The following AGK variants were observed in gnomAD, a reference collection of about 807,000 sequenced individuals.
AGK encodes acylglycerol kinase, mitochondrial.
AGK carries 52 observed loss-of-function variants against 66.4 expected under a neutral mutation model. The observed-to-expected ratio is 0.78, with a 90% CI of 0.63 to 0.99. AGK has a LOEUF of 0.99. Among genes scored for constraint, AGK ranks in the 50% least tolerant of loss-of-function variants. The pLI, the probability that AGK is intolerant of heterozygous loss-of-function variation, is 0.00. For synonymous variants in AGK, 182 were observed against 181.1 expected (o/e 1.00, Z -0.04); for missense variants, 451 against 506.6 (o/e 0.89, Z 1.05).
intron 7 of AGK, among the ~76,000 whole-genome samples, chr7:141,614,690 A>G (rs1456321326): frequency 6.6e-6 from 1 of 152,180 alleles, no homozygotes; most frequent in East Asian, 1.9e-4. Flanking sequence ...ATGAAAAGGA[A>G]TCACACCAAC....
chr7:141,642,308 C>A (rs1797308498), intron 13 of AGK, among the ~76,000 whole-genome samples: 1 of 152,134 alleles, frequency 6.6e-6, no homozygotes, highest in Non-Finnish European at 1.5e-5. Context: ...GAGAAAAATA[C>A]CCACACACAT....
chr7:141,651,724 G>A, intron 15 of AGK, 115 bp downstream of exon 15: 6 of 974,100 alleles, frequency 6.2e-6, no homozygotes, highest in Non-Finnish European at 9.7e-6. Context: ...GGCACATATT[G>A]TGTGCCAAGC....
At chr7:141,637,778 G>A (rs1353068817) in intron 11 of AGK, among the ~76,000 whole-genome samples, 2 of 152,110 alleles carry the variant, frequency 1.3e-5, no homozygotes, top group East Asian at 3.8e-4. Context: ...AATTATAAAA[G>A]TAATACATGT....
At chr7:141,609,971 G>GTT (rs532318470) in intron 5 of AGK, among the ~76,000 whole-genome samples, 12 of 143,798 alleles carry the variant, frequency 8.3e-5, no homozygotes, top group African/African-American at 2.5e-4. Flanking sequence ...GTTTTTTTTT[G>GTT]TTTTTTTTTT....
intron 2 of AGK, among the ~76,000 whole-genome samples, chr7:141,584,976 C>G (rs1795966364): frequency 6.6e-6 from 1 of 152,108 alleles, no homozygotes; most frequent in South Asian, 2.1e-4. Flanking sequence ...TAAGAAGATA[C>G]AAATTTCTTT....
chr7:141,571,227 C>T (rs1380645319), intron 2 of AGK, among the ~76,000 whole-genome samples: 1 of 152,202 alleles, frequency 6.6e-6, no homozygotes, highest in Admixed American at 6.5e-5. Context: ...GTTCTAGCCC[C>T]AGCCATGAGT....
intron 3 of AGK, chr7:141,593,504 T>A: frequency 1.5e-6 from 1 of 646,668 alleles, no homozygotes; most frequent in East Asian, 2.7e-5. Context: ...GTCTAACCCC[T>A]GAATCATCCC....
At chr7:141,591,930 A>G (rs751589064) in intron 2 of AGK, among the ~76,000 whole-genome samples, 41 of 152,198 alleles carry the variant, frequency 2.7e-4, no homozygotes, top group Non-Finnish European at 4.7e-4. Context: ...TCACATTCTG[A>G]CAGAATGCTT....
rs1489537451 is a variant in AGK, at chr7:141,653,709, G to T, written c.*785G>T. 10 of 152,258 alleles carry T rather than the reference G, an allele frequency of 6.6e-5. No individual in the cohort carries two copies. The highest frequency in any genetic ancestry group is 4.1e-4 in the South Asian group (2 of 4,830). 9.4% of individuals were successfully genotyped at this position (152,258 alleles called of 1,614,324 possible). ...GTGTTTTAAAGCAGTAGTCCACAAAGTATTCTGCTCATGTGCCCCCAAAAG... is the reference window on the plus strand; with the variant it reads ...GTGTTTTAAAGCAGTAGTCCACAAATTATTCTGCTCATGTGCCCCCAAAAG... On this transcript the variant is annotated 3_prime_UTR_variant, in exon 16 of 16. Coordinates refer to ENST00000649286, the MANE Select transcript of AGK (RefSeq NM_018238.4).
At chr7:141,558,721 C>T (rs571235040) in intron 2 of AGK, among the ~76,000 whole-genome samples, 1 of 152,270 alleles carries the variant, frequency 6.6e-6, no homozygotes, top group East Asian at 1.9e-4. Context: ...TCCATTGTGG[C>T]TCATCATTTT....
chr7:141,586,187 T>C (rs935292389), intron 2 of AGK, among the ~76,000 whole-genome samples: 2 of 152,152 alleles, frequency 1.3e-5, no homozygotes, highest in Non-Finnish European at 2.9e-5. Flanking sequence ...AGGGTACTTC[T>C]TCCATTACAC....
At chr7:141,568,384 G>A (rs901158229) in intron 2 of AGK, among the ~76,000 whole-genome samples, 14 of 152,074 alleles carry the variant, frequency 9.2e-5, no homozygotes, top group African/African-American at 2.4e-4. Flanking sequence ...GTCTGTCTCC[G>A]CATGATTTTG....
At chr7:141,643,267 G>C (rs1226007944) in intron 13 of AGK, among the ~76,000 whole-genome samples, 1 of 152,180 alleles carries the variant, frequency 6.6e-6, no homozygotes, top group Non-Finnish European at 1.5e-5. Context: ...AATCATTAAA[G>C]TAGTAGGGTA....
chr7:141,570,279 C>T (rs867232836), intron 2 of AGK, among the ~76,000 whole-genome samples: 14 of 151,824 alleles, frequency 9.2e-5, no homozygotes, highest in African/African-American at 2.9e-4. Context: ...TCCAGCTACT[C>T]GGGAGGCTGA....
chr7:141,563,046 T>C (rs187373305), intron 2 of AGK, among the ~76,000 whole-genome samples: 1 of 152,308 alleles, frequency 6.6e-6, no homozygotes, highest in East Asian at 1.9e-4. Context: ...AGGTGGGTTT[T>C]CCCCCCTCAC....
intron 8 of AGK, among the ~76,000 whole-genome samples, chr7:141,620,530 G>A (rs577714232): frequency 1.3e-5 from 2 of 150,986 alleles, no homozygotes; most frequent in South Asian, 4.2e-4. Context: ...GAGAGACAGG[G>A]GAATACAGGG....
At chr7:141,613,493 C>T (rs188899199) in intron 6 of AGK, among the ~76,000 whole-genome samples, 1 of 152,238 alleles carries the variant, frequency 6.6e-6, no homozygotes, top group East Asian at 1.9e-4. Context: ...GTGGTGGGTG[C>T]TTGTAATCCC....
intron 2 of AGK, among the ~76,000 whole-genome samples, chr7:141,556,639 A>G (rs1177837794): frequency 6.6e-6 from 1 of 151,704 alleles, no homozygotes; most frequent in African/African-American, 2.4e-5. Flanking sequence ...GGGCCCCAAG[A>G]TTTATTTTTC....
intron 2 of AGK, among the ~76,000 whole-genome samples, chr7:141,580,974 G>A (rs1360165454): frequency 1.3e-5 from 2 of 151,898 alleles, no homozygotes; most frequent in African/African-American, 4.9e-5. Flanking sequence ...GTATATAATG[G>A]TTTTGTTAGG....
Sources: allele counts gnomAD v4.1 joint callset (sites outside exome capture counted in the v4.1 genomes callset), GRCh38; gene constraint gnomAD v4.1.1; transcripts MANE v1.5; gene names NCBI Gene and HGNC (gene_info 2026-07-23, HGNC 2026-07-21).